The following ZSWIM5 variants were observed in gnomAD, a reference collection of about 807,000 sequenced individuals.
ZSWIM5 encodes zinc finger SWIM domain-containing protein 5.
In ZSWIM5, 55 loss-of-function variants were observed where a neutral mutation model predicts 119.6. The ratio of observed to expected loss-of-function variants is 0.46; its 90% CI spans 0.37 to 0.58. The LOEUF is 0.58. ZSWIM5 is among the 20% of genes least tolerant of loss of function. The pLI, the probability that ZSWIM5 is intolerant of heterozygous loss-of-function variation, is 0.00. For synonymous variants in ZSWIM5, 537 were observed against 606.9 expected (o/e 0.88, Z 1.69); for missense variants, 1,193 against 1,512.8 (o/e 0.79, Z 3.51).
At chr1:45,020,262 C>T (rs753696264) in intron 12 of ZSWIM5, 115 bp from the exon 13 acceptor site, 10 of 810,594 alleles carry the variant, frequency 1.2e-5, no homozygotes, top group South Asian at 4.6e-5. Context: ...GTGGTCTCTC[C>T]GCTGATAAAC....
intron 1 of ZSWIM5, among the ~76,000 whole-genome samples, chr1:45,178,529 G>A (rs1326652919): frequency 6.6e-6 from 1 of 152,096 alleles, no homozygotes; most frequent in Non-Finnish European, 1.5e-5. Flanking sequence ...GATTTTTGGA[G>A]TTTACCACTT....
chr1:45,018,563 A>C lies in ZSWIM5; in HGVS notation c.3449T>G (p.Leu1150Arg), dbSNP rs771665284. The part of the protein sequence containing the change: ...EFLSKARETF[L>R]LPQDGHLQFA... ...CTGCAGGTGGCCATCCTGGGGCAGCAGGAAGGTCTCCCGAGCCTTGCTTAG... is the reference window on the plus strand; with the variant it reads ...CTGCAGGTGGCCATCCTGGGGCAGCCGGAAGGTCTCCCGAGCCTTGCTTAG... Residue 1150 changes from leucine (L) to arginine (R), a missense_variant, in exon 14 of 14, where the codon CTG (leucine) becomes CGG (arginine). Leu to Arg is a moderately radical substitution (Grantham distance 102). This residue lies in a region of ZSWIM5 where 961 missense variants were observed against 1,290.0 expected (regional missense o/e 0.74). Coordinates refer to ENST00000359600, the MANE Select transcript of ZSWIM5 (RefSeq NM_020883.2). The surrounding 1 kb of genome is among the most constrained non-coding windows in gnomAD (Gnocchi z 6.7). 1 of 1,614,202 alleles carries C rather than the reference A, an allele frequency of 6.2e-7. No individual in the cohort carries two copies. Among genetic ancestry groups the C allele is most frequent in the South Asian group, 1.1e-5 (1 of 91,084 alleles).
At chr1:45,097,965 G>A (rs916535396) in intron 1 of ZSWIM5, among the ~76,000 whole-genome samples, 1 of 152,174 alleles carries the variant, frequency 6.6e-6, no homozygotes, top group Non-Finnish European at 1.5e-5. Flanking sequence ...GGACAGAAGT[G>A]GTAAGGGATG....
At chr1:45,125,716 T>C (rs1337611778) in intron 1 of ZSWIM5, among the ~76,000 whole-genome samples, 1 of 148,654 alleles carries the variant, frequency 6.7e-6, no homozygotes, top group Non-Finnish European at 1.5e-5. Flanking sequence ...GGAGCCGAGA[T>C]TGCGTCATTG....
At chr1:45,176,200 G>C (rs1423756518) in intron 1 of ZSWIM5, among the ~76,000 whole-genome samples, 1 of 150,680 alleles carries the variant, frequency 6.6e-6, no homozygotes, top group Non-Finnish European at 1.5e-5. Flanking sequence ...GTTCACGTGG[G>C]TATCTCCAAT....
At chr1:45,054,560 C>A (rs1645110054) in intron 4 of ZSWIM5, among the ~76,000 whole-genome samples, 1 of 152,034 alleles carries the variant, frequency 6.6e-6, no homozygotes, top group African/African-American at 2.4e-5. Flanking sequence ...CCAGACTGGG[C>A]AACAGAGTGA....
intron 1 of ZSWIM5, among the ~76,000 whole-genome samples, chr1:45,205,146 G>C (rs1486983538): frequency 6.6e-6 from 1 of 150,640 alleles, no homozygotes; most frequent in East Asian, 1.9e-4. Context: ...TTTTCCTTGG[G>C]TGGGGGTGTG....
chr1:45,076,636 T>C (rs1027381185), intron 2 of ZSWIM5, among the ~76,000 whole-genome samples: 1 of 152,184 alleles, frequency 6.6e-6, no homozygotes, highest in African/African-American at 2.4e-5. Context: ...GATATTGATA[T>C]ATCTTCCTCT....
chr1:45,081,819 G>C (rs2149008991), intron 2 of ZSWIM5, among the ~76,000 whole-genome samples: 1 of 152,324 alleles, frequency 6.6e-6, no homozygotes, highest in Admixed American at 6.5e-5. Context: ...CACCCCGTCT[G>C]GGAGGTGTAC....
At chr1:45,099,145 C>T (rs1240748558) in intron 1 of ZSWIM5, among the ~76,000 whole-genome samples, 1 of 152,014 alleles carries the variant, frequency 6.6e-6, no homozygotes, top group Admixed American at 6.6e-5. Flanking sequence ...AATTGATAGA[C>T]CGCTAGCAAG....
chr1:45,086,162 A>G (rs1403248535), intron 2 of ZSWIM5, among the ~76,000 whole-genome samples: 1 of 152,176 alleles, frequency 6.6e-6, no homozygotes, highest in African/African-American at 2.4e-5. Context: ...AGGAAGAGAG[A>G]GAAGGGGCAG....
intron 5 of ZSWIM5, among the ~76,000 whole-genome samples, chr1:45,046,411 T>A (rs532807778): frequency 6.6e-6 from 1 of 152,162 alleles, no homozygotes. Flanking sequence ...GATTTGCTCA[T>A]GGATTACAGC....
Position 45,205,923 on chromosome 1 carries a change from G to C in ZSWIM5, c.428C>G (p.Pro143Arg). ...GGAGCCGGCCGGAGCGGCGGCCCCG[G>C]GGGGTGGCTGCGGCCCCTCCTCGGC... The part of the protein sequence containing the change: ...SPAEEGPQPP[P>R]GAAAPAGSAP... Residue 143 changes from proline (P) to arginine (R), a missense_variant, in exon 1 of 14, where the codon CCC becomes CGC. This residue lies in a region of ZSWIM5 where 232 missense variants were observed against 222.9 expected (regional missense o/e 1.04). Coordinates refer to ENST00000359600, the MANE Select transcript of ZSWIM5 (RefSeq NM_020883.2). 1 of 1,113,964 alleles carries C rather than the reference G, an allele frequency of 9.0e-7. No individual in the cohort carries two copies. The highest frequency in any genetic ancestry group is 1.1e-6 in the Non-Finnish European group (1 of 912,230). The allele number at this position is 1,113,964 out of a possible 1,614,324, so 69.0% of individuals were successfully genotyped here. A position where few individuals can be genotyped will look rare whatever the true frequency, so the allele number is the denominator to read the frequency against.
chr1:45,178,925 T>C (rs1326999592), intron 1 of ZSWIM5, among the ~76,000 whole-genome samples: 2 of 151,970 alleles, frequency 1.3e-5, no homozygotes, highest in African/African-American at 4.8e-5. Context: ...TATTTAAAAT[T>C]AAAATAAATA....
chr1:45,195,219 C>T (rs372709626), intron 1 of ZSWIM5, among the ~76,000 whole-genome samples: 10 of 152,186 alleles, frequency 6.6e-5, no homozygotes, highest in East Asian at 5.8e-4. Flanking sequence ...ACAGATCATA[C>T]TAAAAAATTT....
chr1:45,170,040 A>T (rs929334971), intron 1 of ZSWIM5, among the ~76,000 whole-genome samples: 1 of 152,106 alleles, frequency 6.6e-6, no homozygotes, highest in South Asian at 2.1e-4. Flanking sequence ...GAAAGTTCTA[A>T]AACATTTTAA....
intron 1 of ZSWIM5, among the ~76,000 whole-genome samples, chr1:45,186,509 C>T (rs1163971844): frequency 6.6e-6 from 1 of 151,766 alleles, no homozygotes; most frequent in Admixed American, 6.6e-5. Flanking sequence ...ATGCAGATAG[C>T]TTCTAGAAAT....
chr1:45,205,746 G>A lies in ZSWIM5; in HGVS notation c.595+10C>T, dbSNP rs773349839. 2.6e-5 allele frequency: 40 copies of A among 1,557,796 alleles called. No individual in the cohort carries two copies. The highest frequency in any genetic ancestry group is 7.4e-5 in the East Asian group (3 of 40,696). ...GCTGAGGACCCGAGAACGCCTGGAC[G>A]AGCACATACCGACTTGCAGCACGTT... On this transcript the variant is annotated intron_variant, in intron 1 of 13. Transcript: ENST00000359600.
At position 45,206,104 on chromosome 1, in the gene ZSWIM5, C is replaced by T. The variant is rs764880926; in HGVS notation, c.247G>A (p.Glu83Lys). 4 of 1,611,714 alleles carry T rather than the reference C, an allele frequency of 2.5e-6. No homozygotes were observed. Among genetic ancestry groups the T allele is most frequent in the Non-Finnish European group, 3.4e-6 (4 of 1,179,442 alleles). ...VAEKWAYERVEERFERIPEPV... is the reference protein window; with the variant it reads ...VAEKWAYERVKERFERIPEPV... ...TCCGGGATCCGCTCGAAGCGCTCCT[C>T]CACCCGTTCGTATGCCCACTTTTCC... The change falls in exon 1 of 14, where the codon GAG becomes AAG. Residue 83 changes from glutamate (E) to lysine (K), a missense_variant. By Grantham distance (56) the Glu-to-Lys change is moderately conservative. Coordinates refer to ENST00000359600, the MANE Select transcript of ZSWIM5 (RefSeq NM_020883.2).
Sources: allele counts gnomAD v4.1 joint callset (sites outside exome capture counted in the v4.1 genomes callset), GRCh38; gene constraint gnomAD v4.1.1; regional missense constraint gnomAD v4.1.1; non-coding constraint Gnocchi (gnomAD v3.1); transcripts MANE v1.5; gene names NCBI Gene and HGNC (gene_info 2026-07-23, HGNC 2026-07-21).